The following CLIC5 variants were observed in gnomAD, a reference collection of about 807,000 sequenced individuals.
CLIC5 encodes CLIC family member 5.
In CLIC5, 20 loss-of-function variants were observed where a neutral mutation model predicts 24.7. The ratio of observed to expected loss-of-function variants is 0.81; its 90% CI spans 0.57 to 1.18. The LOEUF is 1.18. Among genes scored for constraint, CLIC5 ranks in the 50% most tolerant of loss-of-function variants. The pLI, the probability that CLIC5 is intolerant of heterozygous loss-of-function variation, is 0.00. For missense variants in CLIC5, 341 were observed against 326.1 expected (o/e 1.05, Z -0.35); for synonymous variants, 159 against 135.6 (o/e 1.17, Z -1.20).
chr6:46,098,762 C>T, the CLIC5 span, among the ~76,000 whole-genome samples: 3,093 of 152,256 alleles, frequency 0.02, 113 homozygotes, highest in African/African-American at 0.07. Context: ...TGCTCCCCAG[C>T]CCAGGTGTCA....
At chr6:46,042,773 G>A (rs184340455) in intron 1 of CLIC5, among the ~76,000 whole-genome samples, 32 of 152,290 alleles carry the variant, frequency 2.1e-4, no homozygotes, top group Admixed American at 9.2e-4. Flanking sequence ...TGTTTGCCAG[G>A]TGAGGATGCA....
chr6:46,037,486 G>A (rs1767694229), intron 1 of CLIC5, among the ~76,000 whole-genome samples: 1 of 152,202 alleles, frequency 6.6e-6, no homozygotes, highest in Admixed American at 6.5e-5. Flanking sequence ...GCTGAACCAA[G>A]TTACCTTGAA....
At chr6:46,063,947 CCAGTATA>C (rs1258647000) in intron 1 of CLIC5, among the ~76,000 whole-genome samples, 2 of 152,094 alleles carry the variant, frequency 1.3e-5, no homozygotes, top group Admixed American at 1.3e-4. Context: ...ACAACAAAAT[CCAGTATA>C]CAACAACATA....
intron 1 of CLIC5, among the ~76,000 whole-genome samples, chr6:45,999,473 A>C (rs2127431516): frequency 6.6e-6 from 1 of 152,312 alleles, no homozygotes; most frequent in Non-Finnish European, 1.5e-5. Context: ...CATAAAATTT[A>C]TATGTGTATC....
chr6:46,108,032 CAAAAAAAAA>C, the CLIC5 span, among the ~76,000 whole-genome samples: 11 of 33,290 alleles, frequency 3.3e-4, no homozygotes, highest in Non-Finnish European at 5.3e-4. Flanking sequence ...AAAACTCCAT[CAAAAAAAAA>C]AAAAAAAAAA....
chr6:46,041,970 C>A (rs1054350921), intron 1 of CLIC5, among the ~76,000 whole-genome samples: 1 of 152,140 alleles, frequency 6.6e-6, no homozygotes, highest in Non-Finnish European at 1.5e-5. Flanking sequence ...GCACTAGAAG[C>A]TCTCAATTAG....
At chr6:45,996,140 A>G (rs967333392) in intron 1 of CLIC5, among the ~76,000 whole-genome samples, 2 of 151,932 alleles carry the variant, frequency 1.3e-5, no homozygotes, top group African/African-American at 4.8e-5. Flanking sequence ...AAAAAAATAG[A>G]AATGAAAGAA....
intron 2 of CLIC5, among the ~76,000 whole-genome samples, chr6:45,953,126 C>T (rs1764525330): frequency 6.6e-6 from 1 of 152,032 alleles, no homozygotes; most frequent in African/African-American, 2.4e-5. Context: ...GGCGTTTAGC[C>T]CCTCTAATTT....
chr6:46,080,666 C>T (rs1762900804), upstream of CLIC5, among the ~76,000 whole-genome samples: 1 of 152,134 alleles, frequency 6.6e-6, no homozygotes, highest in African/African-American at 2.4e-5. Flanking sequence ...TTCAAGAACC[C>T]CTGCAATTCA....
the CLIC5 span, among the ~76,000 whole-genome samples, chr6:46,101,496 G>T: frequency 6.6e-6 from 1 of 152,218 alleles, no homozygotes; most frequent in Non-Finnish European, 1.5e-5. Flanking sequence ...TTTGTAGACA[G>T]AAAAGGGCTG....
Position 45,891,115 on chromosome 6 carries a change from G to A in CLIC5, c.624-9927C>T, listed in dbSNP as rs566205377. 5.8e-4 allele frequency among the ~76,000 whole-genome samples: 88 copies of A among 152,116 alleles called. 2 individuals are homozygous for A. Among genetic ancestry groups the A allele is most frequent in the Non-Finnish European group, 1.2e-3 (83 of 68,016 alleles). On this transcript the variant is annotated intron_variant, in intron 6 of 6. Transcript: ENST00000644324. ...ATCAATGATTAATATTTGAGGTGAT[G>A]GATATGCAAGTTAGCCTGATTTGAT...
chr6:46,072,550 G>A (rs1762637794), intron 1 of CLIC5, among the ~76,000 whole-genome samples: 1 of 152,236 alleles, frequency 6.6e-6, no homozygotes, highest in South Asian at 2.1e-4. Context: ...GTCTCTTGGG[G>A]GAAAAATTGC....
In CLIC5 at chr6:45,914,283, C is replaced by T. The variant is rs1256340327; in HGVS notation, c.533G>A (p.Gly178Glu). The T allele has an allele frequency of 1.2e-6, 2 of 1,610,474 alleles. No homozygotes were observed. Among genetic ancestry groups the T allele is most frequent in the East Asian group, 2.2e-5 (1 of 44,818 alleles). Residue 178 changes from glycine to glutamate, a missense_variant, in exon 5 of 6, where the codon GGG becomes GAG. Physicochemically the swap from Gly to Glu is moderately conservative, Grantham distance 98. Transcript: ENST00000339561. ...GCAGTCAGCCAGGGTCAGCTCATCC[C>T]CATCCAGGAACTTGCGCCGGGACCC... The part of the protein sequence containing the change: ...DKGSRRKFLD[G>E]DELTLADCNL...
chr6:45,957,116 A>G (rs1764671195), intron 1 of CLIC5, among the ~76,000 whole-genome samples: 1 of 152,164 alleles, frequency 6.6e-6, no homozygotes, highest in African/African-American at 2.4e-5. Context: ...AAAAGCAAAA[A>G]CAAAAACAGA....
At chr6:46,054,910 G>A (rs1768203090) in intron 1 of CLIC5, among the ~76,000 whole-genome samples, 2 of 152,182 alleles carry the variant, frequency 1.3e-5, no homozygotes. Flanking sequence ...TGTCATGGCA[G>A]CCTGAGATGA....
intron 1 of CLIC5, among the ~76,000 whole-genome samples, chr6:45,976,007 G>C (rs1408809532): frequency 9.9e-5 from 15 of 152,124 alleles, no homozygotes; most frequent in Non-Finnish European, 1.5e-4. Context: ...GGGTTCCTGT[G>C]CTGATGCTCC....
intron 1 of CLIC5, among the ~76,000 whole-genome samples, chr6:46,013,478 G>A (rs1243694716): frequency 1.3e-5 from 2 of 152,164 alleles, no homozygotes; most frequent in Admixed American, 6.5e-5. Flanking sequence ...GTTGAGGGAG[G>A]AGTCAAAACA....
At position 45,949,415 on chromosome 6, in the gene CLIC5, C is replaced by T. The variant is rs768873018; in HGVS notation, c.174-34G>A. On this transcript the variant is annotated intron_variant, in intron 2 of 5. Transcript: ENST00000339561. ...AGAGCAAGATTCAGGTGTTGGCTTACAGCAGGGTGCTTCCTGTTCTGGGAA... is the reference window on the plus strand; with the variant it reads ...AGAGCAAGATTCAGGTGTTGGCTTATAGCAGGGTGCTTCCTGTTCTGGGAA... 3.7e-6 allele frequency: 6 copies of T among 1,600,120 alleles called. No individual in the cohort carries two copies. The Admixed American group carries it at 6.8e-5, about 18-fold the overall frequency.
intron 4 of CLIC5, among the ~76,000 whole-genome samples, chr6:45,931,216 G>T (rs1380944673): frequency 6.6e-6 from 1 of 152,152 alleles, no homozygotes; most frequent in Non-Finnish European, 1.5e-5. Context: ...AGGCTATGTA[G>T]CTTGCAAAGC....
Sources: gnomAD v4.1 joint callset for allele counts (sites outside exome capture counted in the v4.1 genomes callset) on GRCh38, gnomAD v4.1.1 for gene constraint, MANE v1.5 for transcripts, NCBI Gene and HGNC (gene_info 2026-07-23, HGNC 2026-07-21) for gene names.